Variants in PAPPA observed in about 807,000 individuals in gnomAD.
PAPPA encodes the protein pappalysin 1, also known as pappalysin-1.
Under a neutral mutation model 164.0 loss-of-function variants are expected in PAPPA, and 60 were observed. That is an observed-to-expected ratio of 0.37 (90% confidence interval 0.30 to 0.45). The LOEUF is 0.45. PAPPA is among the 20% of genes least tolerant of loss of function. PAPPA has a pLI of 1.00. For missense variants in PAPPA, 1,782 were observed against 2,087.3 expected, an observed-to-expected ratio of 0.85 and a Z score of 2.85; for synonymous variants, 875 against 814.1, an observed-to-expected ratio of 1.07 and a Z score of -1.27.
chr9:116,259,851 G>GT (rs1321322836), intron 7 of PAPPA, among the ~76,000 whole-genome samples: 1 of 152,026 alleles, frequency 6.6e-6, no homozygotes, highest in Non-Finnish European at 1.5e-5. Context: ...AATATTTCAA[G>GT]TAACATTGTA....
At position 116,380,594 on chromosome 9, in the gene PAPPA, T is replaced by G. The variant is rs944489105; in HGVS notation, c.4678-1801T>G. ...TGAGGCAGGAAGGAAAAGAAAGGGT[T>G]TATTGTTTGTTGTTTGTTTATACCC... is the stretch of plus-strand genomic sequence containing the variant. On this transcript the variant is annotated intron_variant, in intron 20 of 21. Transcript: ENST00000328252. 2.6e-5 allele frequency among the ~76,000 whole-genome samples: 4 copies of G among 152,184 alleles called. No homozygotes were observed. In the East Asian group the frequency reaches 7.7e-4, roughly 29 times the overall value.
At chr9:116,382,228 T>C (rs1443607144) in intron 20 of PAPPA, among the ~76,000 whole-genome samples, 167 bp from the exon 21 acceptor site, 4 of 152,126 alleles carry the variant, frequency 2.6e-5, no homozygotes, top group Non-Finnish European at 5.9e-5. Context: ...TTATGAATGG[T>C]AGAGGTGATA....
At chr9:116,273,285 G>C (rs1845158428) in intron 9 of PAPPA, among the ~76,000 whole-genome samples, 1 of 152,170 alleles carries the variant, frequency 6.6e-6, no homozygotes, top group Non-Finnish European at 1.5e-5. Context: ...CTCATCCATG[G>C]AAGGGGTCTG....
intron 1 of PAPPA, among the ~76,000 whole-genome samples, chr9:116,157,667 T>G (rs572106220): frequency 1.2e-3 from 190 of 152,164 alleles, no homozygotes; most frequent in African/African-American, 4.3e-3. Flanking sequence ...CCCTGGCATC[T>G]GACTTCCAGG....
chr9:116,267,158 A>G (rs1845077524), intron 8 of PAPPA, among the ~76,000 whole-genome samples: 2 of 152,244 alleles, frequency 1.3e-5, no homozygotes, highest in South Asian at 4.1e-4. Flanking sequence ...TGAAAGAGAC[A>G]CATTAGATGA....
At chr9:116,266,033 C>A in intron 8 of PAPPA, 48 bp downstream of exon 8, 2 of 1,535,386 alleles carry the variant, frequency 1.3e-6, no homozygotes, top group South Asian at 1.2e-5. Flanking sequence ...CTGGTTAGGT[C>A]AAGAGATGGT....
rs572067099 is a variant in PAPPA, at chr9:116,398,098, T to C, written c.*1482T>C. On this transcript the variant is annotated 3_prime_UTR_variant, in exon 22 of 22. Coordinates refer to ENST00000328252, the MANE Select transcript of PAPPA (RefSeq NM_002581.5). ...CTGGGCAGTGCTTTTCTCTCTCCCA[T>C]GTCTAGCCTCCAAAAGTTAAGTGAA... 1.3e-5 allele frequency: 2 copies of C among 153,258 alleles called. No homozygotes were observed. Among genetic ancestry groups the C allele is most frequent in the South Asian group, 2.1e-4 (1 of 4,870 alleles). The allele number at this position is 153,258 out of a possible 1,614,324, so 9.5% of individuals were successfully genotyped here. A position where few individuals can be genotyped will look rare whatever the true frequency, so the allele number is the denominator to read the frequency against.
chr9:116,256,930 GT>G lies in PAPPA; in HGVS notation c.2733-8917del, dbSNP rs34511305. ...ATAGAGATGTAGACTATTTTTTAAA[GT>G]TTTTTTTTTACCATGTACTAGGCCA... On this transcript the variant is annotated intron_variant, in intron 7 of 21. Coordinates refer to ENST00000328252, the MANE Select transcript of PAPPA (RefSeq NM_002581.5). Among the ~76,000 whole-genome samples, 132 of 148,894 alleles carry G rather than the reference GT, an allele frequency of 8.9e-4. 4 individuals are homozygous for G. In the East Asian group the frequency reaches 0.017, roughly 20 times the overall value.
At chr9:116,242,657 C>T (rs562232812) in intron 7 of PAPPA, among the ~76,000 whole-genome samples, 5 of 152,292 alleles carry the variant, frequency 3.3e-5, no homozygotes, top group African/African-American at 1.2e-4. Flanking sequence ...TCCTTGCAGG[C>T]ACATACATGC....
At position 116,235,638 on chromosome 9, in the gene PAPPA, G is replaced by GT; in HGVS notation, c.2732+2dup. 1 of 1,612,944 alleles carries GT rather than the reference G, an allele frequency of 6.2e-7. No homozygotes were observed. Among genetic ancestry groups the GT allele is most frequent in the Non-Finnish European group, 8.5e-7 (1 of 1,179,832 alleles). ...ATCTCAATAGGAAATTCGTAGACAT[G>GT]TAAGTGCATTCTCTGAATAGGGAGT... On this transcript the variant is annotated splice_donor_variant, in intron 7 of 21. Coordinates refer to ENST00000328252, the MANE Select transcript of PAPPA (RefSeq NM_002581.5). LOFTEE classifies it high-confidence loss of function.
intron 9 of PAPPA, among the ~76,000 whole-genome samples, chr9:116,290,803 ACT>A (rs1845426659): frequency 6.7e-6 from 1 of 149,904 alleles, no homozygotes; most frequent in Non-Finnish European, 1.5e-5. Context: ...CTTTTTGCAC[ACT>A]CTCTGCATAT....
intron 5 of PAPPA, among the ~76,000 whole-genome samples, chr9:116,226,965 G>T (rs2118722233): frequency 6.6e-6 from 1 of 152,344 alleles, no homozygotes; most frequent in South Asian, 2.1e-4. Flanking sequence ...TTCAGAAGAA[G>T]GAACCATGCC....
At chr9:116,244,116 T>C (rs537032622) in intron 7 of PAPPA, among the ~76,000 whole-genome samples, 11 of 152,202 alleles carry the variant, frequency 7.2e-5, no homozygotes, top group Non-Finnish European at 1.3e-4. Context: ...TCTGGGAATA[T>C]TAGGATAAGC....
At chr9:116,331,873 G>C (rs1169914815) in intron 11 of PAPPA, among the ~76,000 whole-genome samples, 1 of 152,152 alleles carries the variant, frequency 6.6e-6, no homozygotes, top group African/African-American at 2.4e-5. Flanking sequence ...TCTCCTCAAA[G>C]CCGAGTGCAG....
intron 2 of PAPPA, among the ~76,000 whole-genome samples, chr9:116,194,844 T>A (rs1171841483): frequency 6.6e-6 from 1 of 152,212 alleles, no homozygotes; most frequent in East Asian, 1.9e-4. Context: ...AAAAAAGGCC[T>A]GGATGAAACT....
At chr9:116,156,348 G>GTGTA (rs1554730879) in intron 1 of PAPPA, among the ~76,000 whole-genome samples, 1 of 117,110 alleles carries the variant, frequency 8.5e-6, no homozygotes, top group Non-Finnish European at 1.9e-5. Flanking sequence ...ATATATATAT[G>GTGTA]TATATATATA....
Position 116,377,589 on chromosome 9 carries a change from C to G in PAPPA, c.4619C>G (p.Thr1540Ser). The G allele has an allele frequency of 6.2e-7, 1 of 1,613,598 alleles. No individual in the cohort carries two copies. Among genetic ancestry groups the G allele is most frequent in the Non-Finnish European group, 8.5e-7 (1 of 1,179,546 alleles). Residue 1540 changes from threonine to serine, a missense_variant, in exon 20 of 22, where the codon ACT (threonine) becomes AGT (serine). Thr to Ser is a moderately conservative substitution (Grantham distance 58, BLOSUM62 1). Around this residue, in one of 2 missense-constraint regions of PAPPA, gnomAD observed 1,324 missense variants for 1,656.9 expected, o/e 0.80. Transcript: ENST00000328252. ...NPTRVERVVC[T>S]AGLKWYPHPA... ...CTCTTCCCACAGAGAGTTGTCTGCA[C>G]TGCTGGTCTCAAGTGGTATCCTCAC...
intron 1 of PAPPA, among the ~76,000 whole-genome samples, chr9:116,165,347 C>T (rs147199794): frequency 2.2e-4 from 33 of 152,238 alleles, no homozygotes; most frequent in Admixed American, 4.6e-4. Flanking sequence ...TCCACACTTC[C>T]GAAACAATCA....
At chr9:116,180,170 A>G (rs1439517747) in intron 1 of PAPPA, among the ~76,000 whole-genome samples, 2 of 152,100 alleles carry the variant, frequency 1.3e-5, no homozygotes, top group Non-Finnish European at 2.9e-5. Flanking sequence ...CTCTGTGACC[A>G]TGTGGTCTAA....
Sources: allele counts gnomAD v4.1 joint callset (sites outside exome capture counted in the v4.1 genomes callset), GRCh38; gene constraint gnomAD v4.1.1; regional missense constraint gnomAD v4.1.1; transcripts MANE v1.5; gene names NCBI Gene and HGNC (gene_info 2026-07-23, HGNC 2026-07-21).